TRAPPC3L: variants seen among roughly 807,000 people sequenced by gnomAD.
TRAPPC3L encodes trafficking protein particle complex subunit 3L.
Under a neutral mutation model 23.7 loss-of-function variants are expected in TRAPPC3L, and 23 were observed. The ratio of observed to expected loss-of-function variants is 0.97; its 90% CI spans 0.70 to 1.37. The LOEUF is 1.37. TRAPPC3L is among the 40% of genes most tolerant of loss of function. TRAPPC3L has a pLI of 0.00. For synonymous variants in TRAPPC3L, 81 were observed against 77.9 expected (o/e 1.04, Z -0.21); for missense variants, 212 against 216.8 (o/e 0.98, Z 0.14).
chr6:116,515,262 A>T (rs1357749531), intron 3 of TRAPPC3L, among the ~76,000 whole-genome samples: 2 of 152,114 alleles, frequency 1.3e-5, no homozygotes, highest in African/African-American at 4.8e-5. Context: ...TGCACAGAAT[A>T]TTTTCCTATC....
intron 3 of TRAPPC3L, among the ~76,000 whole-genome samples, chr6:116,514,867 A>T (rs1772191723): frequency 6.6e-6 from 1 of 152,254 alleles, no homozygotes. Context: ...AAAAGATGTT[A>T]GTTTTCCAAA....
rs1771829311 is a variant in TRAPPC3L, at chr6:116,496,020, GCT to G, written c.*932_*933del. ...ATTATAACTTGTACTTGCAATTTGG[GCT>G]CTCTGCAGAGCCCAGTAGATTCTGG... On this transcript the variant is annotated 3_prime_UTR_variant, in exon 5 of 5. Transcript: ENST00000368602. The G allele has an allele frequency of 6.6e-6, 1 of 152,150 alleles. No individual in the cohort carries two copies. Among genetic ancestry groups the G allele is most frequent in the South Asian group, 2.1e-4 (1 of 4,824 alleles). 9.4% of individuals were successfully genotyped at this position (152,150 alleles called of 1,614,324 possible).
intron 3 of TRAPPC3L, chr6:116,511,712 G>T (rs765665152): frequency 6.2e-7 from 1 of 1,613,496 alleles, no homozygotes; most frequent in South Asian, 1.1e-5. Context: ...TGCTTTTCAG[G>T]GCATTTTAAA....
At chr6:116,539,325 G>A (rs1425133196) in intron 3 of TRAPPC3L, among the ~76,000 whole-genome samples, 3 of 152,140 alleles carry the variant, frequency 2.0e-5, no homozygotes, top group Non-Finnish European at 4.4e-5. Context: ...TAAACTCATT[G>A]TGCTAAGGTT....
At chr6:116,512,107 C>A (rs762795861) in intron 3 of TRAPPC3L, 2 of 1,613,988 alleles carry the variant, frequency 1.2e-6, no homozygotes, top group East Asian at 4.5e-5. Flanking sequence ...GTTCAGGACT[C>A]CTGGAACTGA....
chr6:116,501,026 A>AG lies in TRAPPC3L; in HGVS notation c.241-361dup, dbSNP rs535673311. On this transcript the variant is annotated intron_variant, in intron 3 of 4. Coordinates refer to ENST00000368602, the MANE Select transcript of TRAPPC3L (RefSeq NM_001139444.3). ...TGGCCCATGGAGAGTGAGCCGAAGC[A>AG]GGGCAGGGCATCGCCTCATGTGGGA... Among the ~76,000 whole-genome samples, 18 of 152,306 alleles carry AG rather than the reference A, an allele frequency of 1.2e-4. No individual in the cohort carries two copies. In the South Asian group the frequency reaches 3.5e-3, roughly 30 times the overall value.
intron 3 of TRAPPC3L, chr6:116,517,298 A>T (rs1442552094): frequency 6.6e-6 from 1 of 152,228 alleles, no homozygotes; most frequent in Non-Finnish European, 1.5e-5. Flanking sequence ...CCAAAGCAGT[A>T]CTGGCATAAA....
chr6:116,535,608 C>T (rs1773025924), intron 3 of TRAPPC3L, among the ~76,000 whole-genome samples: 1 of 152,132 alleles, frequency 6.6e-6, no homozygotes, highest in African/African-American at 2.4e-5. Context: ...TGCAATTGCA[C>T]TTTCTACTTT....
At chr6:116,525,876 T>C (rs1583275230) in intron 3 of TRAPPC3L, among the ~76,000 whole-genome samples, 1 of 152,348 alleles carries the variant, frequency 6.6e-6, no homozygotes, top group African/African-American at 2.4e-5. Context: ...CATAAAGAGA[T>C]GTGCTTCTGC....
At chr6:116,535,020 A>C (rs925295024) in intron 3 of TRAPPC3L, among the ~76,000 whole-genome samples, 1 of 152,190 alleles carries the variant, frequency 6.6e-6, no homozygotes, top group Non-Finnish European at 1.5e-5. Flanking sequence ...TGAGAGCAAA[A>C]AGCTTCTCAA....
intron 3 of TRAPPC3L, among the ~76,000 whole-genome samples, chr6:116,538,350 G>A (rs956212743): frequency 5.9e-5 from 9 of 152,192 alleles, no homozygotes; most frequent in East Asian, 1.9e-4. Context: ...ACCCTACATC[G>A]TGTGACAGAA....
chr6:116,516,907 C>G (rs377561992), intron 3 of TRAPPC3L: 1 of 151,922 alleles, frequency 6.6e-6, no homozygotes, highest in African/African-American at 2.4e-5. Flanking sequence ...GTTTGGGCTA[C>G]TATAACAAAA....
chr6:116,515,718 A>C, intron 3 of TRAPPC3L: 1 of 1,614,044 alleles, frequency 6.2e-7, no homozygotes, highest in Non-Finnish European at 8.5e-7. Flanking sequence ...ACATATGCAC[A>C]AAAGGAGAAG....
intron 3 of TRAPPC3L, among the ~76,000 whole-genome samples, chr6:116,513,377 G>C (rs1439249191): frequency 6.6e-6 from 1 of 152,158 alleles, no homozygotes; most frequent in East Asian, 1.9e-4. Flanking sequence ...CAAATGTCTT[G>C]TGTCTTTTAT....
At chr6:116,545,335 A>G in intron 1 of TRAPPC3L, 138 bp downstream of exon 1, 1 of 612,430 alleles carries the variant, frequency 1.6e-6, no homozygotes, top group Non-Finnish European at 2.8e-6. Context: ...TAGATGTGTC[A>G]TTTATGATTC....
intron 3 of TRAPPC3L, chr6:116,515,727 A>C: frequency 1.2e-6 from 2 of 1,614,062 alleles, no homozygotes; most frequent in Non-Finnish European, 1.7e-6. Context: ...CAAAAGGAGA[A>C]GGAGCAGTTG....
chr6:116,543,304 T>C lies in TRAPPC3L; in HGVS notation c.139A>G (p.Met47Val). 1 of 1,546,944 alleles carries C rather than the reference T, an allele frequency of 6.5e-7. No homozygotes were observed. Residue 47 changes from methionine to valine, a missense_variant and splice_region_variant, in exon 2 of 5, where the codon ATG becomes GTG. Met to Val is a conservative substitution (Grantham distance 21). Transcript: ENST00000368602. ...TAAGAATGAAGGACTTCCACTTACA[T>C]TTTATCTAAATATTGGTTCACATCT... The part of the protein sequence containing the change: ...DEDVNQYLDK[M>V]GYGIGTRLVE...
chr6:116,521,502 C>T (rs1006701985), intron 3 of TRAPPC3L: 3 of 143,732 alleles, frequency 2.1e-5, no homozygotes, highest in South Asian at 2.3e-4. Flanking sequence ...TGACCCAACT[C>T]GAGTGGAGAG....
chr6:116,500,288 T>A (rs1364695982), intron 4 of TRAPPC3L, among the ~76,000 whole-genome samples, 193 bp downstream of exon 4: 2 of 152,254 alleles, frequency 1.3e-5, no homozygotes, highest in East Asian at 3.8e-4. Flanking sequence ...TGCTCCCAGA[T>A]TTCTGATCCT....
Sources: gnomAD v4.1 joint callset for allele counts (sites outside exome capture counted in the v4.1 genomes callset) on GRCh38, gnomAD v4.1.1 for gene constraint, MANE v1.5 for transcripts, NCBI Gene and HGNC (gene_info 2026-07-23, HGNC 2026-07-21) for gene names.